Variants in PRKAR2B observed in about 807,000 individuals in gnomAD.
The protein encoded by PRKAR2B is cAMP-dependent protein kinase type II-beta regulatory subunit.
A neutral mutation model predicts 49.9 loss-of-function variants in PRKAR2B; 14 were observed. That is an observed-to-expected ratio of 0.28 (90% confidence interval 0.19 to 0.44). PRKAR2B has a LOEUF of 0.44. Among genes scored for constraint, PRKAR2B ranks in the 20% least tolerant of loss-of-function variants. PRKAR2B has a pLI of 1.00. For missense variants in PRKAR2B, 393 were observed against 537.9 expected (o/e 0.73, Z 2.67); for synonymous variants, 196 against 197.7 (o/e 0.99, Z 0.07).
chr7:107,122,096 G>A, intron 3 of PRKAR2B, 92 bp downstream of exon 3: 2 of 754,680 alleles, frequency 2.7e-6, no homozygotes, highest in Non-Finnish European at 4.2e-6. Context: ...AGGCATGTAG[G>A]TTAACAGGAG....
intron 1 of PRKAR2B, among the ~76,000 whole-genome samples, chr7:107,061,847 A>G (rs1180485317): frequency 6.6e-6 from 1 of 152,198 alleles, no homozygotes; most frequent in Admixed American, 6.5e-5. Flanking sequence ...CAGTGAACCA[A>G]GACTGTGCCA....
intron 1 of PRKAR2B, among the ~76,000 whole-genome samples, chr7:107,049,737 T>C (rs2116745151): frequency 6.6e-6 from 1 of 152,296 alleles, no homozygotes; most frequent in Non-Finnish European, 1.5e-5. Flanking sequence ...GGATTTAATG[T>C]TATACAGTAA....
chr7:107,107,228 T>G (rs967294064), intron 2 of PRKAR2B, among the ~76,000 whole-genome samples: 3 of 151,960 alleles, frequency 2.0e-5, no homozygotes, highest in South Asian at 2.1e-4. Flanking sequence ...TCCCAGCTAC[T>G]CGGGAGGCTG....
chr7:107,051,203 C>T (rs1793794097), intron 1 of PRKAR2B, among the ~76,000 whole-genome samples: 1 of 152,204 alleles, frequency 6.6e-6, no homozygotes, highest in Non-Finnish European at 1.5e-5. Context: ...TGAATTTTTT[C>T]TGTCTTCCAT....
chr7:107,045,262 C>T (rs1331295148), intron 1 of PRKAR2B, 48 bp downstream of exon 1: 16 of 1,366,040 alleles, frequency 1.2e-5, no homozygotes, highest in African/African-American at 6.1e-5. Context: ...CCTCGCTGCC[C>T]CCCACCGCTC....
At chr7:107,097,394 A>G (rs193180536) in intron 2 of PRKAR2B, among the ~76,000 whole-genome samples, 8 of 152,024 alleles carry the variant, frequency 5.3e-5, no homozygotes, top group Admixed American at 3.3e-4. Flanking sequence ...TTATGAAGCT[A>G]TGTGTATCTC....
At chr7:107,099,881 G>A (rs1020059583) in intron 2 of PRKAR2B, among the ~76,000 whole-genome samples, 4 of 152,056 alleles carry the variant, frequency 2.6e-5, no homozygotes, top group African/African-American at 4.8e-5. Context: ...TGATCCGCCC[G>A]CCTTGGCCTC....
intron 1 of PRKAR2B, among the ~76,000 whole-genome samples, chr7:107,064,798 CCTTT>C (rs1280305025): frequency 2.6e-5 from 4 of 152,126 alleles, no homozygotes; most frequent in Non-Finnish European, 4.4e-5. Context: ...AGGTTCAGTA[CCTTT>C]TAACAAAAAT....
intron 2 of PRKAR2B, among the ~76,000 whole-genome samples, chr7:107,086,448 T>G (rs954804784): frequency 2.7e-5 from 4 of 150,672 alleles, no homozygotes; most frequent in African/African-American, 4.9e-5. Flanking sequence ...ATTAGTAGGG[T>G]TTTTTTTTAA....
rs931092049 is a variant in PRKAR2B, at chr7:107,160,837, T to C, written c.*1255T>C. On this transcript the variant is annotated 3_prime_UTR_variant, in exon 11 of 11. Coordinates refer to ENST00000265717, the MANE Select transcript of PRKAR2B (RefSeq NM_002736.3). ...GTACTAGATTTTCATTGTTCATTGATATGCTCAGTATGCTGCCACATAAGA... is the reference window on the plus strand; with the variant it reads ...GTACTAGATTTTCATTGTTCATTGACATGCTCAGTATGCTGCCACATAAGA... The C allele has an allele frequency of 3.3e-5, 5 of 152,192 alleles. No homozygotes were observed. Among genetic ancestry groups the C allele is most frequent in the Non-Finnish European group, 7.4e-5 (5 of 68,008 alleles). The allele number at this position is 152,192 out of a possible 1,614,324, so 9.4% of individuals were successfully genotyped here.
intron 4 of PRKAR2B, among the ~76,000 whole-genome samples, chr7:107,130,306 T>A (rs1198067033): frequency 6.6e-6 from 1 of 151,954 alleles, no homozygotes; most frequent in Non-Finnish European, 1.5e-5. Flanking sequence ...GAGCCCATCC[T>A]GGCTAACATG....
At chr7:107,147,178 G>A (rs1375457348) in intron 6 of PRKAR2B, among the ~76,000 whole-genome samples, 4 of 152,144 alleles carry the variant, frequency 2.6e-5, no homozygotes, top group East Asian at 3.9e-4. Flanking sequence ...GGGCACGGTC[G>A]TGGGTGCCTG....
intron 8 of PRKAR2B, among the ~76,000 whole-genome samples, chr7:107,153,840 T>G (rs1297292513): frequency 6.6e-6 from 1 of 152,240 alleles, no homozygotes; most frequent in Non-Finnish European, 1.5e-5. Context: ...CAGATGATAG[T>G]ACCTTGTTTC....
chr7:107,095,968 T>G (rs1260628901), intron 2 of PRKAR2B, among the ~76,000 whole-genome samples: 4 of 152,212 alleles, frequency 2.6e-5, no homozygotes, highest in African/African-American at 7.2e-5. Context: ...AATTCCCTTT[T>G]TTTGTTGTGT....
At chr7:107,143,645 G>A (rs1795829750) in intron 5 of PRKAR2B, among the ~76,000 whole-genome samples, 1 of 152,202 alleles carries the variant, frequency 6.6e-6, no homozygotes, top group Admixed American at 6.5e-5. Flanking sequence ...TAAATTCAGA[G>A]TCAGGAATGA....
intron 2 of PRKAR2B, among the ~76,000 whole-genome samples, chr7:107,085,421 C>CT (rs200404966): frequency 9.2e-5 from 14 of 152,158 alleles, no homozygotes; most frequent in Middle Eastern, 3.4e-3. Flanking sequence ...ATGAATCAAT[C>CT]TTTTTTTATA....
Position 107,044,861 on chromosome 7 carries a change from G to A in PRKAR2B, c.-47G>A, listed in dbSNP as rs1239179538. 1 of 1,516,442 alleles carries A rather than the reference G, an allele frequency of 6.6e-7. No homozygotes were observed. Among genetic ancestry groups the A allele is most frequent in the East Asian group, 2.5e-5 (1 of 40,402 alleles). 93.9% of individuals were successfully genotyped at this position (1,516,442 alleles called of 1,614,324 possible). A position where few individuals can be genotyped will look rare whatever the true frequency, so the allele number is the denominator to read the frequency against. On this transcript the variant is annotated 5_prime_UTR_variant, in exon 1 of 11. Transcript: ENST00000265717. The stretch of plus-strand genomic sequence containing the variant: ...GCCGCGGGGCCCTAGGCCGTGCCGG[G>A]GAGGGGGCGAGGGCGGCGCCCAGGC...
intron 6 of PRKAR2B, 140 bp downstream of exon 6, chr7:107,146,601 A>G: frequency 1.1e-6 from 1 of 913,548 alleles, no homozygotes; most frequent in Non-Finnish European, 1.6e-6. Context: ...TGAATGCTGA[A>G]CTGTAGGGCA....
intron 6 of PRKAR2B, among the ~76,000 whole-genome samples, chr7:107,149,327 C>T (rs1795943812): frequency 6.6e-6 from 1 of 152,162 alleles, no homozygotes; most frequent in Non-Finnish European, 1.5e-5. Context: ...TTCCTAGTGT[C>T]TTAGTCCTTT....
Sources: allele counts gnomAD v4.1 joint callset (sites outside exome capture counted in the v4.1 genomes callset), GRCh38; gene constraint gnomAD v4.1.1; transcripts MANE v1.5; gene names NCBI Gene and HGNC (gene_info 2026-07-23, HGNC 2026-07-21).